CSMD1: variants seen among roughly 807,000 people sequenced by gnomAD.
The protein encoded by CSMD1 is CUB and sushi domain-containing protein 1.
CSMD1 carries 213 observed loss-of-function variants against 417.5 expected under a neutral mutation model. That is an observed-to-expected ratio of 0.51 (90% CI 0.46 to 0.57). The LOEUF is 0.57. Ranked by LOEUF, CSMD1 falls within the 20% of genes least tolerant of loss-of-function variation. The pLI is 0.00. For missense variants in CSMD1, 6,923 were observed against 4,529.7 expected (o/e 1.53, Z -15.17); for synonymous variants, 2,862 against 1,736.8 (o/e 1.65, Z -16.11).
chr8:4,542,412 C>A (rs1797433028), intron 2 of CSMD1, among the ~76,000 whole-genome samples: 4 of 152,214 alleles, frequency 2.6e-5, no homozygotes, highest in Admixed American at 1.3e-4. Context: ...CATTAAAAAT[C>A]TCACTAGACA....
At chr8:3,506,788 C>A (rs1020441335) in intron 10 of CSMD1, among the ~76,000 whole-genome samples, 1 of 152,130 alleles carries the variant, frequency 6.6e-6, no homozygotes, top group Admixed American at 6.6e-5. Flanking sequence ...TGATTTACTT[C>A]CTCCACACCT....
chr8:3,306,572 G>C (rs750959487), intron 25 of CSMD1, among the ~76,000 whole-genome samples: 1 of 152,186 alleles, frequency 6.6e-6, no homozygotes, highest in Non-Finnish European at 1.5e-5. Context: ...ATGATGGAGT[G>C]TAGACGCCTG....
At chr8:4,306,944 G>A (rs1222459061) in intron 3 of CSMD1, among the ~76,000 whole-genome samples, 1 of 151,912 alleles carries the variant, frequency 6.6e-6, no homozygotes, top group African/African-American at 2.4e-5. Context: ...AGTATCTGTC[G>A]ATCCTACCCC....
chr8:3,641,808 G>A (rs79155042), intron 7 of CSMD1, among the ~76,000 whole-genome samples: 15 of 152,194 alleles, frequency 9.9e-5, no homozygotes, highest in African/African-American at 3.6e-4. Flanking sequence ...CATCTGTTGT[G>A]ACCTTTGTCG....
chr8:3,222,296 C>T (rs1765868373), intron 28 of CSMD1, among the ~76,000 whole-genome samples: 1 of 151,304 alleles, frequency 6.6e-6, no homozygotes, highest in African/African-American at 2.4e-5. Flanking sequence ...GAAACTCCTA[C>T]TAACAAGGTT....
chr8:4,570,859 G>A (rs931562344), intron 2 of CSMD1, among the ~76,000 whole-genome samples: 1 of 152,110 alleles, frequency 6.6e-6, no homozygotes, highest in African/African-American at 2.4e-5. Context: ...CTTCTTCCTG[G>A]TTTAGTCTTG....
rs889490485 is a variant in CSMD1 at position 4,942,238 on chromosome 8, T to C, written c.85+52094A>G. Among the ~76,000 whole-genome samples the C allele has an allele frequency of 6.6e-5, 10 of 152,296 alleles. 1 individual carries two copies. Among genetic ancestry groups the C allele is most frequent in the Admixed American group, 5.9e-4 (9 of 15,292 alleles). On this transcript the variant is annotated intron_variant, in intron 1 of 69. Transcript: ENST00000635120. ...TATAAACCAGGCTTCACTCTTATTT[T>C]TTCCCTGTTCTGAAATCACTTCCCT...
At chr8:4,123,766 CTGA>C (rs1802612841) in intron 3 of CSMD1, among the ~76,000 whole-genome samples, 4 of 152,244 alleles carry the variant, frequency 2.6e-5, no homozygotes, top group South Asian at 2.1e-4. Flanking sequence ...TGATAATTTA[CTGA>C]TGATGAAGTC....
intron 3 of CSMD1, among the ~76,000 whole-genome samples, chr8:4,231,151 T>C (rs1239213516): frequency 1.3e-5 from 2 of 152,206 alleles, no homozygotes. Flanking sequence ...ACTAACAGGA[T>C]ATTGATATAG....
intron 1 of CSMD1, among the ~76,000 whole-genome samples, chr8:4,931,029 G>A (rs66752869): frequency 0.28 from 41,982 of 152,052 alleles, 7,248 homozygotes; most frequent in East Asian, 0.53. Context: ...TGAGAAAAAG[G>A]AAATCTGCCC....
At chr8:3,298,795 G>T (rs1162088137) in intron 25 of CSMD1, among the ~76,000 whole-genome samples, 1 of 152,118 alleles carries the variant, frequency 6.6e-6, no homozygotes, top group Admixed American at 6.5e-5. Context: ...AAACTCTTCT[G>T]AAGTCTTAAT....
At chr8:3,851,101 C>G (rs1398581986) in intron 5 of CSMD1, among the ~76,000 whole-genome samples, 1 of 152,132 alleles carries the variant, frequency 6.6e-6, no homozygotes, top group African/African-American at 2.4e-5. Context: ...TTCTAGATAT[C>G]ATTAAAGATG....
chr8:4,045,120 T>C (rs984421438), intron 3 of CSMD1, among the ~76,000 whole-genome samples: 1 of 152,064 alleles, frequency 6.6e-6, no homozygotes, highest in African/African-American at 2.4e-5. Flanking sequence ...AACATGGCAG[T>C]CACCACCTGT....
chr8:4,747,728 T>C (rs915010485), intron 1 of CSMD1, among the ~76,000 whole-genome samples: 1 of 152,172 alleles, frequency 6.6e-6, no homozygotes, highest in African/African-American at 2.4e-5. Flanking sequence ...ATGAATGAGA[T>C]GCCAATGTCC....
chr8:4,959,762 G>C (rs572413559), intron 1 of CSMD1, among the ~76,000 whole-genome samples: 1 of 152,110 alleles, frequency 6.6e-6, no homozygotes, highest in Non-Finnish European at 1.5e-5. Flanking sequence ...CTTCCTGTAC[G>C]TGACCTTTGT....
At chr8:4,232,943 C>T (rs1801832311) in intron 3 of CSMD1, among the ~76,000 whole-genome samples, 2 of 152,100 alleles carry the variant, frequency 1.3e-5, no homozygotes. Context: ...AAGTTTTCTG[C>T]AGTCAAGCAT....
chr8:3,469,967 C>A (rs1228516641), intron 11 of CSMD1, among the ~76,000 whole-genome samples: 1 of 151,952 alleles, frequency 6.6e-6, no homozygotes, highest in Non-Finnish European at 1.5e-5. Flanking sequence ...AGATTTTTTT[C>A]TTTCTTTCTT....
chr8:4,516,922 A>G (rs1803158082), intron 2 of CSMD1, among the ~76,000 whole-genome samples: 1 of 152,112 alleles, frequency 6.6e-6, no homozygotes, highest in African/African-American at 2.4e-5. Context: ...TATGAATCTC[A>G]TGACTCAGAA....
chr8:4,047,230 T>A (rs1182486965), intron 3 of CSMD1, among the ~76,000 whole-genome samples: 3 of 152,050 alleles, frequency 2.0e-5, no homozygotes, highest in African/African-American at 7.2e-5. Context: ...CTGACTCTAG[T>A]GTTCATCAAA....
Sources: allele counts gnomAD v4.1 joint callset (sites outside exome capture counted in the v4.1 genomes callset), GRCh38; gene constraint gnomAD v4.1.1; transcripts MANE v1.5; gene names NCBI Gene and HGNC (gene_info 2026-07-23, HGNC 2026-07-21).